IRGM: variants seen among roughly 807,000 people sequenced by gnomAD.
IRGM encodes the protein immunity related GTPase M.
For synonymous variants in IRGM, 98 were observed against 80.6 expected (o/e 1.22, Z -1.16); for missense variants, 288 against 219.9 (o/e 1.31, Z -1.96).
Position 150,899,420 on chromosome 5 carries a change from T to A in IRGM, c.*141-1169T>A, listed in dbSNP as rs10036679. Among the ~76,000 whole-genome samples, 1,028 of 151,802 alleles carry A rather than the reference T, an allele frequency of 6.8e-3. 8 individuals are homozygous for A. Among genetic ancestry groups the A allele is most frequent in the African/African-American group, 0.02 (845 of 41,426 alleles). ...TGCCCTTTGTAAGTACATTTTTTTT[T>A]AAAAAAAGAAAAGCTACATTTAGAG... On this transcript the variant is annotated intron_variant and NMD_transcript_variant, in intron 3 of 3. Coordinates refer to the IRGM transcript ENST00000520549.
intron 1 of IRGM, among the ~76,000 whole-genome samples, chr5:150,856,867 AATTATTAATTAAT>A (rs1255604369): frequency 6.8e-6 from 1 of 147,492 alleles, no homozygotes; most frequent in African/African-American, 2.5e-5. Context: ...GTTATTTATT[AATTATTAATTAAT>A]ATTATTAATT....
intron 3 of IRGM, among the ~76,000 whole-genome samples, chr5:150,890,614 A>G (rs1754594795): frequency 6.6e-6 from 1 of 152,006 alleles, no homozygotes; most frequent in African/African-American, 2.4e-5. Context: ...TTTCTCTTTA[A>G]GAACTACTTT....
At chr5:150,880,123 T>C (rs1335948982) in intron 3 of IRGM, among the ~76,000 whole-genome samples, 1 of 152,248 alleles carries the variant, frequency 6.6e-6, no homozygotes. Context: ...TAAATAGTTT[T>C]GTATGACTTC....
chr5:150,864,173 A>G (rs569196954), intron 1 of IRGM, among the ~76,000 whole-genome samples: 1 of 152,326 alleles, frequency 6.6e-6, no homozygotes, highest in Admixed American at 6.5e-5. Flanking sequence ...GGGAGGAACT[A>G]GTTGTTGATC....
At chr5:150,876,569 C>A (rs1456915851) in intron 1 of IRGM, among the ~76,000 whole-genome samples, 1 of 152,158 alleles carries the variant, frequency 6.6e-6, no homozygotes, top group Non-Finnish European at 1.5e-5. Flanking sequence ...TCTACTACAC[C>A]ACAGTGAAGC....
chr5:150,850,794 C>T (rs1349813726), downstream of IRGM, among the ~76,000 whole-genome samples: 1 of 152,136 alleles, frequency 6.6e-6, no homozygotes, highest in Admixed American at 6.5e-5. Context: ...GGTTTCCACC[C>T]CCTGTAGTGA....
rs1424574904 is a variant in IRGM at position 150,848,429 on chromosome 5, G to GA, written c.308dup (p.Asn103LysfsTer12). ...CAGGGTCTGCCACCACAACCCTGGA[G>GA]AACTACCTGATGGAAATGCAGTTCA... On this transcript the variant is annotated frameshift_variant, in exon 2 of 2. Coordinates refer to ENST00000522154, the MANE Select transcript of IRGM (RefSeq NM_001145805.2). LOFTEE classifies it low-confidence loss of function (END_TRUNC). 6.4e-7 allele frequency: 1 copy of GA among 1,551,710 alleles called. No individual in the cohort carries two copies. Among genetic ancestry groups the GA allele is most frequent in the Non-Finnish European group, 8.7e-7 (1 of 1,146,978 alleles).
At chr5:150,865,387 A>G (rs1353264015) in intron 1 of IRGM, among the ~76,000 whole-genome samples, 1 of 150,786 alleles carries the variant, frequency 6.6e-6, no homozygotes, top group African/African-American at 2.5e-5. Flanking sequence ...TCAAAATTTC[A>G]TTAAATGTTA....
At chr5:150,884,497 C>T (rs1471066379) in intron 3 of IRGM, among the ~76,000 whole-genome samples, 1 of 152,152 alleles carries the variant, frequency 6.6e-6, no homozygotes, top group Non-Finnish European at 1.5e-5. Context: ...AATCACCATA[C>T]TGCTTTCCAC....
rs949565340 is a variant in IRGM, at chr5:150,887,054, C to A, written c.*140+7408C>A. Among the ~76,000 whole-genome samples the A allele has an allele frequency of 3.9e-5, 6 of 151,926 alleles. No individual in the cohort carries two copies. In the South Asian group the frequency reaches 6.2e-4, roughly 16 times the overall value. ...ATGTGGGCATTTAGTGCTATGAATT[C>A]CCCTCTTAACACTGCACAAGAGTTC... On this transcript the variant is annotated intron_variant and NMD_transcript_variant, in intron 3 of 3. Coordinates refer to the IRGM transcript ENST00000520549.
chr5:150,874,336 G>A (rs746680465), intron 1 of IRGM, among the ~76,000 whole-genome samples: 7 of 152,166 alleles, frequency 4.6e-5, no homozygotes, highest in Admixed American at 1.3e-4. Flanking sequence ...TAGCAAACAC[G>A]CTGGATTTGT....
At chr5:150,858,552 C>T (rs1174913083) in intron 1 of IRGM, among the ~76,000 whole-genome samples, 3 of 152,150 alleles carry the variant, frequency 2.0e-5, no homozygotes, top group Admixed American at 6.5e-5. Flanking sequence ...TTCTTCCTAC[C>T]CATAAGCATG....
chr5:150,857,756 A>G lies in IRGM; in HGVS notation c.158+9102A>G, dbSNP rs940864905. Among the ~76,000 whole-genome samples, 145 of 152,006 alleles carry G rather than the reference A, an allele frequency of 9.5e-4. 1 individual carries two copies. Among genetic ancestry groups the G allele is most frequent in the African/African-American group, 3.4e-3 (139 of 41,452 alleles). On this transcript the variant is annotated intron_variant and NMD_transcript_variant, in intron 1 of 3. Coordinates refer to the IRGM transcript ENST00000520549. ...TGAGAAGTGCCTGTTCATGTCCTTCACCCACTTTTTGATGGGGTTGTTTGT... is the reference window on the plus strand; with the variant it reads ...TGAGAAGTGCCTGTTCATGTCCTTCGCCCACTTTTTGATGGGGTTGTTTGT...
At chr5:150,896,856 C>T (rs151248402) in intron 3 of IRGM, 2 of 1,613,720 alleles carry the variant, frequency 1.2e-6, no homozygotes, top group Non-Finnish European at 1.7e-6. Flanking sequence ...ATCACCTTGA[C>T]AGACTTTTAA....
chr5:150,853,894 G>C (rs1403578685), intron 1 of IRGM, among the ~76,000 whole-genome samples: 1 of 151,998 alleles, frequency 6.6e-6, no homozygotes, highest in Non-Finnish European at 1.5e-5. Flanking sequence ...TCTGCTTTTT[G>C]ATTGGACAGA....
At chr5:150,871,705 T>C (rs74885364) in intron 1 of IRGM, among the ~76,000 whole-genome samples, 1,732 of 152,334 alleles carry the variant, frequency 0.011, 43 homozygotes, top group African/African-American at 0.04. Context: ...ATTTACTGAC[T>C]AAAATAGTTA....
At chr5:150,885,530 A>G (rs1156526263) in intron 3 of IRGM, among the ~76,000 whole-genome samples, 1 of 152,018 alleles carries the variant, frequency 6.6e-6, no homozygotes, top group African/African-American at 2.4e-5. Context: ...TTTTAATGAT[A>G]TTATTTTTAT....
chr5:150,849,605 C>CTCTCT (rs1333754649), downstream of IRGM, among the ~76,000 whole-genome samples: 99 of 128,412 alleles, frequency 7.7e-4, no homozygotes, highest in African/African-American at 2.6e-3. Flanking sequence ...CTTTTTCTCT[C>CTCTCT]TTTTTTTTTT....
chr5:150,861,281 C>A (rs906438074), intron 1 of IRGM, among the ~76,000 whole-genome samples: 1 of 152,018 alleles, frequency 6.6e-6, no homozygotes, highest in South Asian at 2.1e-4. Context: ...CTCCAAGTGG[C>A]TCTCTCAGAG....
Sources: allele counts gnomAD v4.1 joint callset (sites outside exome capture counted in the v4.1 genomes callset), GRCh38; gene constraint gnomAD v4.1.1; transcripts MANE v1.5; gene names NCBI Gene and HGNC (gene_info 2026-07-23, HGNC 2026-07-21).